The following TTLL7 variants were observed in gnomAD, a reference collection of about 807,000 sequenced individuals.
The protein encoded by TTLL7 is tubulin polyglutamylase TTLL7.
Under a neutral mutation model 120.2 loss-of-function variants are expected in TTLL7, and 53 were observed. The observed-to-expected ratio is 0.44, with a 90% CI of 0.35 to 0.55. The LOEUF (loss-of-function observed/expected upper bound fraction) is 0.55, where lower values mean the gene tolerates loss of function less well. TTLL7 is among the 20% of genes least tolerant of loss of function. The probability of loss-of-function intolerance (pLI) is 0.00; values close to 1 mark genes in which losing one functional copy is unlikely to be tolerated. For synonymous variants in TTLL7, 353 were observed against 351.7 expected, an observed-to-expected ratio of 1.00 and a Z score of -0.04; for missense variants, 803 against 1,054.7, an observed-to-expected ratio of 0.76 and a Z score of 3.31.
At chr1:83,932,046 TAA>T (rs1659644350) in intron 9 of TTLL7, among the ~76,000 whole-genome samples, 1 of 151,816 alleles carries the variant, frequency 6.6e-6, no homozygotes, top group African/African-American at 2.4e-5. Flanking sequence ...AAGGAAAGAG[TAA>T]AGAATGAAGA....
chr1:83,988,621 T>C (rs750398444), intron 1 of TTLL7, among the ~76,000 whole-genome samples: 1 of 152,220 alleles, frequency 6.6e-6, no homozygotes, highest in Non-Finnish European at 1.5e-5. Flanking sequence ...TTGATTTGCA[T>C]GTCTCTGGTG....
intron 20 of TTLL7, among the ~76,000 whole-genome samples, chr1:83,872,820 C>A (rs1427684208): frequency 6.6e-6 from 1 of 152,164 alleles, no homozygotes; most frequent in Non-Finnish European, 1.5e-5. Flanking sequence ...TCATTTAGTT[C>A]TCATAACAAT....
At chr1:83,942,198 C>T (rs1648044397) in intron 7 of TTLL7, among the ~76,000 whole-genome samples, 1 of 152,112 alleles carries the variant, frequency 6.6e-6, no homozygotes, top group African/African-American at 2.4e-5. Context: ...CAGATGTTTG[C>T]TTTGAAATCC....
intron 1 of TTLL7, among the ~76,000 whole-genome samples, chr1:83,998,573 G>C (rs539441659): frequency 7.2e-5 from 11 of 151,866 alleles, no homozygotes; most frequent in African/African-American, 2.4e-4. Flanking sequence ...CCACGATGTG[G>C]GAAAACGACG....
chr1:83,916,793 A>G (rs1658227013), intron 14 of TTLL7, among the ~76,000 whole-genome samples: 1 of 152,194 alleles, frequency 6.6e-6, no homozygotes, highest in South Asian at 2.1e-4. Context: ...ACTTTGACAT[A>G]TATCAGAAGA....
Position 83,934,460 on chromosome 1 carries a change from G to A in TTLL7, c.889-694C>T, listed in dbSNP as rs148118965. ...TGAAAGGGCTGGAAGACAAAATCTT[G>A]AGAGTTGAGTTTCTTTATTCAGTGA... On this transcript the variant is annotated intron_variant, in intron 8 of 20. Transcript: ENST00000260505. Among the ~76,000 whole-genome samples, 7 of 152,136 alleles carry A rather than the reference G, an allele frequency of 4.6e-5. No individual in the cohort carries two copies. In the East Asian group the frequency reaches 5.8e-4, roughly 13 times the overall value.
At chr1:83,966,239 T>C (rs373338884) in intron 1 of TTLL7, among the ~76,000 whole-genome samples, 7 of 152,078 alleles carry the variant, frequency 4.6e-5, no homozygotes, top group East Asian at 3.9e-4. Context: ...ATCTTTTGGC[T>C]CAAGCTGCAA....
chr1:83,975,971 G>A (rs1053786765), intron 1 of TTLL7, among the ~76,000 whole-genome samples: 8 of 151,772 alleles, frequency 5.3e-5, no homozygotes, highest in African/African-American at 1.9e-4. Flanking sequence ...GTGCCAGAGT[G>A]CACAGCATGT....
rs1213769938 is a variant in TTLL7 at position 83,868,685 on chromosome 1, A to T, written c.*1277T>A. On this transcript the variant is annotated 3_prime_UTR_variant, in exon 21 of 21. Transcript: ENST00000260505. ...AATAAGTTTGTCTCATTATCCTGTAACACTAAAATGAGTGAAATGTGTCAA... is the reference window on the plus strand; with the variant it reads ...AATAAGTTTGTCTCATTATCCTGTATCACTAAAATGAGTGAAATGTGTCAA... 2 of 152,182 alleles carry T rather than the reference A, an allele frequency of 1.3e-5. No homozygotes were observed. Among genetic ancestry groups the T allele is most frequent in the Admixed American group, 1.3e-4 (2 of 15,280 alleles). 9.4% of individuals were successfully genotyped at this position (152,182 alleles called of 1,614,324 possible). A position where few individuals can be genotyped will look rare whatever the true frequency, so the allele number is the denominator to read the frequency against.
chr1:83,961,765 G>C (rs1250904673), intron 1 of TTLL7, among the ~76,000 whole-genome samples: 1 of 152,086 alleles, frequency 6.6e-6, no homozygotes, highest in African/African-American at 2.4e-5. Context: ...GTTTTAAGTA[G>C]TTCTCCAGTA....
chr1:83,933,017 T>C (rs1413713013), intron 9 of TTLL7, among the ~76,000 whole-genome samples: 1 of 152,170 alleles, frequency 6.6e-6, no homozygotes, highest in Non-Finnish European at 1.5e-5. Flanking sequence ...TACATGACCT[T>C]TTATCATCCA....
chr1:83,956,288 A>C (rs1198736695), intron 1 of TTLL7, among the ~76,000 whole-genome samples: 1 of 150,274 alleles, frequency 6.7e-6, no homozygotes, highest in East Asian at 1.9e-4. Flanking sequence ...TTATTTATGT[A>C]TTTATTTATT....
chr1:83,889,701 A>G (rs1655281328), intron 19 of TTLL7, among the ~76,000 whole-genome samples: 1 of 152,130 alleles, frequency 6.6e-6, no homozygotes, highest in Admixed American at 6.6e-5. Flanking sequence ...CAAAAATATT[A>G]GCACAAAAGT....
At chr1:83,885,936 G>C (rs897154081) in intron 19 of TTLL7, among the ~76,000 whole-genome samples, 2 of 152,092 alleles carry the variant, frequency 1.3e-5, no homozygotes, top group South Asian at 2.1e-4. Flanking sequence ...CAAGGAAATA[G>C]GGTCACCAAA....
At chr1:83,973,917 G>T (rs1480349961) in intron 1 of TTLL7, among the ~76,000 whole-genome samples, 1 of 151,890 alleles carries the variant, frequency 6.6e-6, no homozygotes, top group East Asian at 1.9e-4. Flanking sequence ...GACTTCTGGG[G>T]TGCTGGAAAT....
chr1:83,955,550 C>A (rs1649433936), intron 1 of TTLL7, among the ~76,000 whole-genome samples: 2 of 152,194 alleles, frequency 1.3e-5, no homozygotes, highest in South Asian at 4.1e-4. Context: ...AAAGTACCAT[C>A]TTAAAAGCAG....
intron 6 of TTLL7, chr1:83,945,944 T>C (rs1648450744): frequency 6.6e-6 from 1 of 152,064 alleles, no homozygotes; most frequent in African/African-American, 2.4e-5. Context: ...TAATGTATGA[T>C]TGGATTATTA....
In TTLL7 at chr1:83,968,456, A is replaced by G. The variant is rs573132077; in HGVS notation, c.-176-16069T>C. ...CACATTACTTTGGCTAACTAGAAGTATATTTACCTTCTGATTCTCACTTGG... is the reference window on the plus strand; with the variant it reads ...CACATTACTTTGGCTAACTAGAAGTGTATTTACCTTCTGATTCTCACTTGG... On this transcript the variant is annotated intron_variant, in intron 1 of 20. Coordinates refer to ENST00000260505, the MANE Select transcript of TTLL7 (RefSeq NM_024686.6). 7.9e-5 allele frequency among the ~76,000 whole-genome samples: 12 copies of G among 152,246 alleles called. No individual in the cohort carries two copies. The East Asian group carries it at 2.3e-3, about 29-fold the overall frequency.
intron 1 of TTLL7, among the ~76,000 whole-genome samples, chr1:83,984,673 C>G (rs528218328): frequency 1.3e-5 from 2 of 152,248 alleles, no homozygotes; most frequent in South Asian, 4.2e-4. Flanking sequence ...AACACAGGAA[C>G]AGGAAACCAA....
Sources: gnomAD v4.1 joint callset for allele counts (sites outside exome capture counted in the v4.1 genomes callset) on GRCh38, gnomAD v4.1.1 for gene constraint, MANE v1.5 for transcripts, NCBI Gene and HGNC (gene_info 2026-07-23, HGNC 2026-07-21) for gene names.